ESF1: variants seen among roughly 807,000 people sequenced by gnomAD.
The protein encoded by ESF1 is ESF1 homolog.
Under a neutral mutation model 92.0 loss-of-function variants are expected in ESF1, and 58 were observed. That is an observed-to-expected ratio of 0.63 (90% confidence interval 0.51 to 0.78). The LOEUF is 0.78. Ranked by LOEUF, ESF1 falls within the 30% of genes least tolerant of loss-of-function variation. The probability of loss-of-function intolerance (pLI) is 0.00; values close to 1 mark genes in which losing one functional copy is unlikely to be tolerated. For synonymous variants in ESF1, 321 were observed against 313.7 expected (o/e 1.02, Z -0.24); for missense variants, 922 against 989.1 (o/e 0.93, Z 0.91).
chr20:13,742,484 A>G (rs532963686), intron 9 of ESF1, among the ~76,000 whole-genome samples: 1 of 152,040 alleles, frequency 6.6e-6, no homozygotes, highest in African/African-American at 2.4e-5. Flanking sequence ...AAGAAAAAAA[A>G]AAAGTTCAAC....
intron 6 of ESF1, 54 bp from the exon 7 acceptor site, chr20:13,770,075 G>A: frequency 9.9e-7 from 1 of 1,005,718 alleles, no homozygotes; most frequent in Non-Finnish European, 1.5e-6. Flanking sequence ...GATAACCACA[G>A]TTTAGATTCT....
At chr20:13,727,442 A>G (rs2049907790) in intron 11 of ESF1, among the ~76,000 whole-genome samples, 1 of 152,222 alleles carries the variant, frequency 6.6e-6, no homozygotes, top group East Asian at 1.9e-4. Flanking sequence ...GTTGAGAACT[A>G]TTCTGGCCCA....
At chr20:13,750,109 A>G (rs535631371) in intron 9 of ESF1, among the ~76,000 whole-genome samples, 1 of 152,350 alleles carries the variant, frequency 6.6e-6, no homozygotes, top group East Asian at 1.9e-4. Flanking sequence ...CTGAAAAGAC[A>G]TTGAGAAAGG....
intron 9 of ESF1, among the ~76,000 whole-genome samples, chr20:13,749,259 G>GCA (rs1978506392): frequency 1.7e-5 from 1 of 57,388 alleles, no homozygotes; most frequent in African/African-American, 7.1e-5. Context: ...TTTTTTTTTT[G>GCA]TATTTTTGTA....
chr20:13,779,832 G>A (rs1267007729), intron 2 of ESF1, among the ~76,000 whole-genome samples: 1 of 152,194 alleles, frequency 6.6e-6, no homozygotes, highest in East Asian at 1.9e-4. Flanking sequence ...ACTGTGCCCA[G>A]CCAGTTACCG....
intron 9 of ESF1, among the ~76,000 whole-genome samples, chr20:13,749,232 A>ATTTTTTTTTTTTTTTTTTTTTTTT (rs71188184): frequency 1.1e-5 from 1 of 89,664 alleles, no homozygotes; most frequent in Non-Finnish European, 2.1e-5. Context: ...TGCCCGGCTA[A>ATTTTTTTTTTTTTTTTTTTTTTTT]TTTTTTTTTT....
At chr20:13,774,277 A>ATCCAAAATGG (rs1555826739) in intron 4 of ESF1, among the ~76,000 whole-genome samples, 1 of 151,690 alleles carries the variant, frequency 6.6e-6, no homozygotes, top group Non-Finnish European at 1.5e-5. Context: ...CAAATCCCAA[A>ATCCAAAATGG]TCCAAAATTC....
intron 9 of ESF1, among the ~76,000 whole-genome samples, chr20:13,737,179 G>C (rs558047089): frequency 5.9e-4 from 90 of 152,306 alleles, no homozygotes; most frequent in African/African-American, 1.9e-3. Context: ...AATTTTAAGT[G>C]CATATCCAAG....
chr20:13,754,036 T>C (rs1023978724), intron 9 of ESF1, among the ~76,000 whole-genome samples: 2 of 152,208 alleles, frequency 1.3e-5, no homozygotes, highest in Non-Finnish European at 2.9e-5. Flanking sequence ...GTGCTTTTTT[T>C]TACGTGTCAT....
chr20:13,779,969 G>C (rs1980106620), intron 2 of ESF1, among the ~76,000 whole-genome samples: 1 of 152,208 alleles, frequency 6.6e-6, no homozygotes, highest in African/African-American at 2.4e-5. Context: ...CACACTGCAA[G>C]TCCTCACATC....
chr20:13,781,630 C>G (rs1980193466), intron 2 of ESF1, among the ~76,000 whole-genome samples: 1 of 152,178 alleles, frequency 6.6e-6, no homozygotes, highest in Non-Finnish European at 1.5e-5. Flanking sequence ...TCTGTTGCTT[C>G]AAAGGCGCCA....
intron 9 of ESF1, among the ~76,000 whole-genome samples, chr20:13,734,134 G>A (rs2049961730): frequency 1.3e-5 from 2 of 152,118 alleles, no homozygotes; most frequent in African/African-American, 4.8e-5. Context: ...GAAAAATACT[G>A]TATTTAGGCT....
intron 2 of ESF1, among the ~76,000 whole-genome samples, chr20:13,778,682 G>C (rs1018551836): frequency 6.6e-6 from 1 of 152,102 alleles, no homozygotes; most frequent in African/African-American, 2.4e-5. Flanking sequence ...TGTTGCATAA[G>C]AGACTTAAAG....
In ESF1 at chr20:13,717,621, A is replaced by G. The variant is rs144106344; in HGVS notation, c.2116-107T>C. On this transcript the variant is annotated intron_variant, in intron 12 of 13. Coordinates refer to ENST00000617257, the MANE Select transcript of ESF1 (RefSeq NM_001276380.2). ...CTCTTCTAGAAAGGAAGACTCAATC[A>G]CTAGAACTCTGGGGTACCACCTGTT... 5.4e-4 allele frequency: 672 copies of G among 1,253,884 alleles called. 3 individuals are homozygous for G. The African/African-American group carries it at 8.9e-3, about 17-fold the overall frequency. The allele number at this position is 1,253,884 out of a possible 1,614,324, so 77.7% of individuals were successfully genotyped here.
At chr20:13,748,507 C>CAT (rs1194442538) in intron 9 of ESF1, among the ~76,000 whole-genome samples, 8 of 131,556 alleles carry the variant, frequency 6.1e-5, no homozygotes, top group African/African-American at 1.2e-4. Flanking sequence ...CATATATACA[C>CAT]ATATATATAC....
At chr20:13,763,202 G>C (rs1979283227) in intron 8 of ESF1, among the ~76,000 whole-genome samples, 1 of 152,068 alleles carries the variant, frequency 6.6e-6, no homozygotes, top group Non-Finnish European at 1.5e-5. Flanking sequence ...AAGATACAAG[G>C]TACATCATTT....
chr20:13,766,495 T>C (rs1452876529), intron 8 of ESF1, among the ~76,000 whole-genome samples: 1 of 152,200 alleles, frequency 6.6e-6, no homozygotes, highest in African/African-American at 2.4e-5. Flanking sequence ...TGAGGGGAGA[T>C]GCCTAAAAGA....
intron 8 of ESF1, among the ~76,000 whole-genome samples, chr20:13,764,559 G>A (rs1388640503): frequency 6.6e-6 from 1 of 152,130 alleles, no homozygotes; most frequent in African/African-American, 2.4e-5. Context: ...AGTCTACTGT[G>A]CAGTGGAAGC....
At chr20:13,772,422 A>C in intron 5 of ESF1, 93 bp downstream of exon 5, 1 of 934,780 alleles carries the variant, frequency 1.1e-6, no homozygotes, top group East Asian at 2.4e-5. Flanking sequence ...GCACAAGTAT[A>C]AACTTTAGTT....
Sources: allele counts gnomAD v4.1 joint callset (sites outside exome capture counted in the v4.1 genomes callset), GRCh38; gene constraint gnomAD v4.1.1; transcripts MANE v1.5; gene names NCBI Gene and HGNC (gene_info 2026-07-23, HGNC 2026-07-21).